Variants in RUFY3 observed in about 807,000 individuals in gnomAD.
RUFY3 encodes the protein protein RUFY3.
RUFY3 carries 34 observed loss-of-function variants against 84.0 expected under a neutral mutation model. The ratio of observed to expected loss-of-function variants is 0.40; its 90% CI spans 0.31 to 0.54. RUFY3 has a LOEUF of 0.54. Among genes scored for constraint, RUFY3 ranks in the 20% least tolerant of loss-of-function variants. The pLI is 0.39. For missense variants in RUFY3, 507 were observed against 736.8 expected (o/e 0.69, Z 3.61); for synonymous variants, 242 against 252.9 (o/e 0.96, Z 0.41).
chr4:70,771,800 G>C lies in RUFY3; in HGVS notation c.697-1711G>C, dbSNP rs1425955233. On this transcript the variant is annotated intron_variant, in intron 5 of 17. Transcript: ENST00000381006. ...CTGCCTCGGCCTCCCAAAGTGCTGG[G>C]ATTACAGGCATGAGCCATGGCGCCT... Among the ~76,000 whole-genome samples, 5 of 152,150 alleles carry C rather than the reference G, an allele frequency of 3.3e-5. No homozygotes were observed. In the East Asian group the frequency reaches 5.8e-4, roughly 18 times the overall value.
At chr4:70,768,697 C>G in intron 5 of RUFY3, 36 bp downstream of exon 5, 1 of 1,604,162 alleles carries the variant, frequency 6.2e-7, no homozygotes, top group African/African-American at 1.3e-5. Context: ...GGGTGTCACT[C>G]TGAGTTCTGC....
upstream of RUFY3, chr4:70,721,935 C>G: frequency 8.1e-7 from 1 of 1,231,916 alleles, no homozygotes; most frequent in Non-Finnish European, 1.0e-6. Flanking sequence ...TTCAGAGCAG[C>G]TGGTCACATG....
intron 8 of RUFY3, among the ~76,000 whole-genome samples, chr4:70,778,947 A>C (rs1168740823): frequency 6.6e-6 from 1 of 152,052 alleles, no homozygotes; most frequent in African/African-American, 2.4e-5. Flanking sequence ...ACCCAATTAG[A>C]CTGTGTAGGG....
exon 1 of RUFY3, chr4:70,705,068 G>A: frequency 7.7e-7 from 1 of 1,291,674 alleles, no homozygotes; most frequent in South Asian, 2.4e-5. Context: ...AGGGCGAGGC[G>A]GGGCCGCCGC....
intron 1 of RUFY3, among the ~76,000 whole-genome samples, chr4:70,708,313 A>C (rs1429948611): frequency 6.6e-6 from 1 of 151,714 alleles, no homozygotes; most frequent in African/African-American, 2.4e-5. Context: ...TTGGGATTAC[A>C]GGTGCGCACC....
chr4:70,721,373 G>C (rs1344183756), upstream of RUFY3, among the ~76,000 whole-genome samples: 2 of 151,510 alleles, frequency 1.3e-5, no homozygotes, highest in Non-Finnish European at 2.9e-5. Context: ...ATCAAAAAGG[G>C]GGGAAATTGC....
intron 1 of RUFY3, among the ~76,000 whole-genome samples, chr4:70,716,147 TTTGTTA>T (rs1264048576): frequency 2.6e-5 from 4 of 151,966 alleles, no homozygotes; most frequent in African/African-American, 9.7e-5. Flanking sequence ...AGAATGTGTT[TTTGTTA>T]TTGTTTTTTT....
chr4:70,748,683 G>T (rs532841902), intron 1 of RUFY3, among the ~76,000 whole-genome samples: 1 of 152,246 alleles, frequency 6.6e-6, no homozygotes, highest in South Asian at 2.1e-4. Context: ...GTTCTTCTTG[G>T]ACCAGAGTCC....
At position 70,773,496 on chromosome 4, in the gene RUFY3, A is replaced by G. The variant is rs1002309037; in HGVS notation, c.697-15A>G. On this transcript the variant is annotated splice_polypyrimidine_tract_variant and intron_variant, in intron 5 of 17. Coordinates refer to ENST00000381006, the MANE Select transcript of RUFY3 (RefSeq NM_001037442.4). ...TATCTAATTTTATATTAAAACCTGA[A>G]AATTCTCTCTGTAGGTTGGAGTTAT... The G allele has an allele frequency of 2.5e-6, 4 of 1,596,952 alleles. No homozygotes were observed. The African/African-American group carries it at 5.4e-5, about 21-fold the overall frequency.
At chr4:70,714,597 A>G (rs1741363668) in intron 1 of RUFY3, among the ~76,000 whole-genome samples, 1 of 152,218 alleles carries the variant, frequency 6.6e-6, no homozygotes, top group South Asian at 2.1e-4. Flanking sequence ...GGTTTTCACA[A>G]TTGAAGTGAA....
At chr4:70,760,554 A>ATT (rs372477580) in intron 1 of RUFY3, among the ~76,000 whole-genome samples, 9 of 138,076 alleles carry the variant, frequency 6.5e-5, no homozygotes, top group South Asian at 2.2e-4. Context: ...CCCCAGCTCT[A>ATT]TTTTTTTTTT....
chr4:70,791,708 T>C (rs1730847566), intron 12 of RUFY3: 1 of 1,006,278 alleles, frequency 9.9e-7, no homozygotes, highest in Non-Finnish European at 1.2e-6. Context: ...TGTTCTGCCA[T>C]TGCAGTGTGA....
chr4:70,720,209 A>C (rs537911594), upstream of RUFY3, among the ~76,000 whole-genome samples: 1 of 151,918 alleles, frequency 6.6e-6, no homozygotes, highest in Non-Finnish European at 1.5e-5. Context: ...GCGCAACCAT[A>C]CCTTGCTAAT....
In RUFY3 at chr4:70,722,464, CA is replaced by C; in HGVS notation, c.-109del. The C allele has an allele frequency of 7.4e-7, 1 of 1,358,572 alleles. No homozygotes were observed. The highest frequency in any genetic ancestry group is 9.5e-7 in the Non-Finnish European group (1 of 1,048,728). The allele number at this position is 1,358,572 out of a possible 1,614,324, so 84.2% of individuals were successfully genotyped here. ...CACCCTTTTCCTGAAAGCTTTGTTT[CA>C]GAGCTTTGTATTGGGTTTTTTTGGT... is the stretch of plus-strand genomic sequence containing the variant. On this transcript the variant is annotated 5_prime_UTR_variant, in exon 1 of 18. Coordinates refer to ENST00000381006, the MANE Select transcript of RUFY3 (RefSeq NM_001037442.4).
At chr4:70,790,234 A>G (rs1454549620) in intron 12 of RUFY3, among the ~76,000 whole-genome samples, 2 of 152,028 alleles carry the variant, frequency 1.3e-5, no homozygotes, top group Admixed American at 1.3e-4. Context: ...TCTTCTTCCT[A>G]TGCTACTCTC....
chr4:70,718,675 T>C (rs1242996245), upstream of RUFY3, among the ~76,000 whole-genome samples: 1 of 152,220 alleles, frequency 6.6e-6, no homozygotes, highest in Non-Finnish European at 1.5e-5. Context: ...AAAGCTAAGA[T>C]GTTTACTTAG....
intron 1 of RUFY3, among the ~76,000 whole-genome samples, chr4:70,749,563 C>A (rs1722789743): frequency 6.9e-6 from 1 of 144,658 alleles, no homozygotes; most frequent in African/African-American, 2.6e-5. Flanking sequence ...GTAGAAGAAA[C>A]TACACTAGTT....
chr4:70,763,536 ATTT>A lies in RUFY3; in HGVS notation c.353-13_353-11del. Reference sequence around the variant, plus strand: ...GTAAAGAATATTAAAATACTGCTTTATTTTTGTTGCCTTAGCTAAAAAAACTTT... The same window carrying A: ...GTAAAGAATATTAAAATACTGCTTTATTGTTGCCTTAGCTAAAAAAACTTT... On this transcript the variant is annotated splice_polypyrimidine_tract_variant and intron_variant, in intron 2 of 17. Transcript: ENST00000381006. 1 of 1,597,200 alleles carries A rather than the reference ATTT, an allele frequency of 6.3e-7. No individual in the cohort carries two copies. Among genetic ancestry groups the A allele is most frequent in the East Asian group, 2.2e-5 (1 of 44,750 alleles).
intron 5 of RUFY3, among the ~76,000 whole-genome samples, chr4:70,771,318 G>C (rs977279855): frequency 6.6e-6 from 1 of 151,976 alleles, no homozygotes; most frequent in Non-Finnish European, 1.5e-5. Flanking sequence ...GTGTGTGTGC[G>C]TGTGTGTGTA....
Sources: allele counts gnomAD v4.1 joint callset (sites outside exome capture counted in the v4.1 genomes callset), GRCh38; gene constraint gnomAD v4.1.1; transcripts MANE v1.5; gene names NCBI Gene and HGNC (gene_info 2026-07-23, HGNC 2026-07-21).